RBL2: variants seen among roughly 807,000 people sequenced by gnomAD.
RBL2 encodes the protein RB transcriptional corepressor like 2.
In RBL2, 56 loss-of-function variants were observed where a neutral mutation model predicts 126.0. The observed-to-expected ratio is 0.44, with a 90% confidence interval of 0.36 to 0.56. RBL2 has a LOEUF of 0.56. Among genes scored for constraint, RBL2 ranks in the 20% least tolerant of loss-of-function variants. The probability of loss-of-function intolerance (pLI) is 0.00; values close to 1 mark genes in which losing one functional copy is unlikely to be tolerated. For missense variants in RBL2, 1,229 were observed against 1,398.2 expected (o/e 0.88, Z 1.93); for synonymous variants, 454 against 478.5 (o/e 0.95, Z 0.67).
chr16:53,442,558 A>G, intron 2 of RBL2, 100 bp from the exon 3 acceptor site: 6 of 879,110 alleles, frequency 6.8e-6, no homozygotes, highest in East Asian at 2.7e-5. Flanking sequence ...TAAAAGTAAT[A>G]TAATTTAATG....
Position 53,434,913 on chromosome 16 carries a change from G to C in RBL2, c.240+117G>C, listed in dbSNP as rs529173213. 9.4e-4 allele frequency: 1,292 copies of C among 1,367,486 alleles called. 10 individuals carry two copies. In the African/African-American group the frequency reaches 0.016, roughly 17 times the overall value. The allele number at this position is 1,367,486 out of a possible 1,614,324, so 84.7% of individuals were successfully genotyped here. A position where few individuals can be genotyped will look rare whatever the true frequency, so the allele number is the denominator to read the frequency against. On this transcript the variant is annotated intron_variant, in intron 1 of 21. Transcript: ENST00000262133. ...GGGTTGCGGGCTCCCAGCCCCGAGA[G>C]GGGTGGGGACTTCCTCTGCGCTATT...
chr16:53,485,139 C>T (rs1961115296), intron 21 of RBL2, among the ~76,000 whole-genome samples: 1 of 152,014 alleles, frequency 6.6e-6, no homozygotes, highest in South Asian at 2.1e-4. Flanking sequence ...AAATCAAGTG[C>T]AGAGAGAACA....
At chr16:53,454,021 G>C (rs1001384896) in intron 7 of RBL2, among the ~76,000 whole-genome samples, 1 of 152,114 alleles carries the variant, frequency 6.6e-6, no homozygotes, top group African/African-American at 2.4e-5. Context: ...GAACTATATG[G>C]GTGAAAATTG....
chr16:53,464,567 T>G, intron 12 of RBL2: 1 of 424,732 alleles, frequency 2.4e-6, no homozygotes, highest in Non-Finnish European at 3.9e-6. Flanking sequence ...CTATTTTGGG[T>G]AAAAGCTTTG....
At chr16:53,438,530 T>C (rs765791271) in intron 1 of RBL2, among the ~76,000 whole-genome samples, 9 of 152,068 alleles carry the variant, frequency 5.9e-5, no homozygotes, top group Non-Finnish European at 1.0e-4. Context: ...AGTGGAATAA[T>C]GTTAATGTCA....
chr16:53,445,387 A>G (rs192583669), intron 3 of RBL2, among the ~76,000 whole-genome samples: 37 of 152,010 alleles, frequency 2.4e-4, no homozygotes, highest in Admixed American at 1.3e-3. Context: ...ATCACTTTGT[A>G]TACTTTCTGT....
intron 11 of RBL2, among the ~76,000 whole-genome samples, chr16:53,462,880 G>T (rs572147193): frequency 6.6e-6 from 1 of 152,086 alleles, no homozygotes; most frequent in Non-Finnish European, 1.5e-5. Context: ...TTGCGCTGTC[G>T]CCAAGGCTGG....
At chr16:53,484,824 G>T (rs1363262141) in intron 21 of RBL2, among the ~76,000 whole-genome samples, 4 of 152,018 alleles carry the variant, frequency 2.6e-5, no homozygotes, top group Non-Finnish European at 5.9e-5. Context: ...TGAATAATAC[G>T]GTATAAGAAT....
chr16:53,467,445 T>C (rs1379383053), intron 14 of RBL2, among the ~76,000 whole-genome samples: 1 of 152,326 alleles, frequency 6.6e-6, no homozygotes. Flanking sequence ...TGGAGTGCAG[T>C]GGCCCAATCT....
intron 17 of RBL2, among the ~76,000 whole-genome samples, chr16:53,477,390 A>T (rs1342804985): frequency 6.6e-6 from 1 of 152,012 alleles, no homozygotes; most frequent in Non-Finnish European, 1.5e-5. Context: ...CAGACTAGAG[A>T]GCAGCGGTGC....
intron 11 of RBL2, among the ~76,000 whole-genome samples, chr16:53,463,131 G>A (rs147794746): frequency 0.01 from 1,560 of 152,160 alleles, 15 homozygotes; most frequent in Non-Finnish European, 0.016. Flanking sequence ...GTGAGCCACC[G>A]CACCTGGCCT....
At chr16:53,481,973 C>A in intron 21 of RBL2, 138 bp downstream of exon 21, 108 of 756,610 alleles carry the variant, frequency 1.4e-4, no homozygotes, top group East Asian at 1.9e-4. Flanking sequence ...CCTCATGAAG[C>A]AAAACCCAGG....
At chr16:53,469,494 T>C (rs1352934255) in intron 14 of RBL2, among the ~76,000 whole-genome samples, 2 of 152,196 alleles carry the variant, frequency 1.3e-5, no homozygotes, top group African/African-American at 4.8e-5. Flanking sequence ...TATCAAGTAG[T>C]GGCTCTGTAG....
rs1961369794 is a variant in RBL2 at position 53,490,357 on chromosome 16, C to T, written c.*57C>T. ...ATCTGTTTAGCAGCAGCCTTTAATG[C>T]ATCTAGATTATGGAGCTTTTTTCCT... On this transcript the variant is annotated 3_prime_UTR_variant, in exon 22 of 22. Transcript: ENST00000262133. The T allele has an allele frequency of 7.8e-6, 11 of 1,413,126 alleles. No homozygotes were observed. Among genetic ancestry groups the T allele is most frequent in the Admixed American group, 2.2e-5 (1 of 44,982 alleles). 87.5% of individuals were successfully genotyped at this position (1,413,126 alleles called of 1,614,324 possible). A position where few individuals can be genotyped will look rare whatever the true frequency, so the allele number is the denominator to read the frequency against.
At chr16:53,459,331 T>C in intron 8 of RBL2, 120 bp from the exon 9 acceptor site, 1 of 759,108 alleles carries the variant, frequency 1.3e-6, no homozygotes, top group East Asian at 2.8e-5. Flanking sequence ...ATTGATATTG[T>C]AAAGATAAAG....
At chr16:53,468,734 A>G (rs922062293) in intron 14 of RBL2, among the ~76,000 whole-genome samples, 2 of 152,218 alleles carry the variant, frequency 1.3e-5, no homozygotes, top group Admixed American at 1.3e-4. Context: ...TACTCCTATC[A>G]GTACTTCTTA....
chr16:53,465,638 C>T (rs371251447), intron 13 of RBL2, 36 bp downstream of exon 13: 2 of 1,447,166 alleles, frequency 1.4e-6, no homozygotes, highest in African/African-American at 1.5e-5. Context: ...GAGAAAAATA[C>T]ATCAATATCT....
chr16:53,475,295 AAC>A (rs1304269466), intron 17 of RBL2, among the ~76,000 whole-genome samples: 8 of 152,122 alleles, frequency 5.3e-5, no homozygotes, highest in African/African-American at 1.9e-4. Flanking sequence ...GGCTTACTGA[AAC>A]CTTAGCCTCC....
In RBL2 at chr16:53,465,469, G is replaced by T; in HGVS notation, c.1730G>T (p.Gly577Val). The T allele has an allele frequency of 6.4e-7, 1 of 1,556,468 alleles. No individual in the cohort carries two copies. Among genetic ancestry groups the T allele is most frequent in the Admixed American group, 1.9e-5 (1 of 51,814 alleles). ...GAAGTATTCATTAGAGCAGAAGATGGCCTTTGTAGAGAGGTGGTAAAACAC... is the reference window on the plus strand; with the variant it reads ...GAAGTATTCATTAGAGCAGAAGATGTCCTTTGTAGAGAGGTGGTAAAACAC... ...VIEVFIRAEDGLCREVVKHLN... is the reference protein window; with the variant it reads ...VIEVFIRAEDVLCREVVKHLN... Residue 577 changes from glycine to valine, a missense_variant, in exon 13 of 22, where the codon GGC becomes GTC. By Grantham distance (109) the Gly-to-Val change is moderately radical (BLOSUM62 -3). Transcript: ENST00000262133.
Sources: allele counts gnomAD v4.1 joint callset (sites outside exome capture counted in the v4.1 genomes callset), GRCh38; gene constraint gnomAD v4.1.1; transcripts MANE v1.5; gene names NCBI Gene and HGNC (gene_info 2026-07-23, HGNC 2026-07-21).